RELN: variants seen among roughly 807,000 people sequenced by gnomAD.
RELN encodes reelin.
Under a neutral mutation model 427.6 loss-of-function variants are expected in RELN, and 108 were observed. The observed-to-expected ratio is 0.25, with a 90% CI of 0.22 to 0.30. RELN has a LOEUF of 0.30. Ranked by LOEUF, RELN falls within the 10% of genes least tolerant of loss-of-function variation. The pLI, the probability that RELN is intolerant of heterozygous loss-of-function variation, is 1.00. For missense variants in RELN, 3,715 were observed against 4,302.8 expected (o/e 0.86, Z 3.82); for synonymous variants, 1,524 against 1,513.4 (o/e 1.01, Z -0.16).
intron 2 of RELN, among the ~76,000 whole-genome samples, chr7:103,852,271 C>T (rs995003413): frequency 7.7e-6 from 1 of 130,028 alleles, no homozygotes; most frequent in Non-Finnish European, 1.6e-5. Context: ...TATTTCATAC[C>T]CTCAAACAGA....
intron 3 of RELN, among the ~76,000 whole-genome samples, chr7:103,806,908 G>A (rs1584255929): frequency 6.6e-6 from 1 of 152,178 alleles, no homozygotes; most frequent in East Asian, 1.9e-4. Flanking sequence ...GACACCTAGT[G>A]TTACAGGCTC....
At chr7:103,785,208 C>T (rs961185944) in intron 3 of RELN, among the ~76,000 whole-genome samples, 1 of 151,994 alleles carries the variant, frequency 6.6e-6, no homozygotes, top group African/African-American at 2.4e-5. Flanking sequence ...AAATGCTTTC[C>T]ACACCACCTT....
At chr7:103,614,244 T>C (rs1030732094) in intron 20 of RELN, among the ~76,000 whole-genome samples, 1 of 152,186 alleles carries the variant, frequency 6.6e-6, no homozygotes, top group Non-Finnish European at 1.5e-5. Context: ...TCTAGAGTTA[T>C]TTGGTGTCTC....
intron 11 of RELN, among the ~76,000 whole-genome samples, chr7:103,677,904 T>C (rs1310921272): frequency 6.6e-6 from 1 of 152,072 alleles, no homozygotes; most frequent in African/African-American, 2.4e-5. Flanking sequence ...TTGTAGTGTC[T>C]TCATTCAACA....
intron 1 of RELN, among the ~76,000 whole-genome samples, chr7:103,936,328 A>G (rs963096096): frequency 1.3e-5 from 2 of 152,046 alleles, no homozygotes; most frequent in African/African-American, 2.4e-5. Flanking sequence ...CCTGACCTCA[A>G]GTGATCTGCC....
At chr7:103,619,299 T>TTC (rs1832160760) in intron 20 of RELN, among the ~76,000 whole-genome samples, 5 of 152,152 alleles carry the variant, frequency 3.3e-5, no homozygotes, top group African/African-American at 1.2e-4. Context: ...CACAAATGAA[T>TTC]GCTGTCTCTT....
chr7:103,630,840 G>GTTTTTTTTTT (rs1265435565), intron 19 of RELN, among the ~76,000 whole-genome samples: 1 of 87,576 alleles, frequency 1.1e-5, no homozygotes, highest in African/African-American at 5.7e-5. Context: ...AAAGGGCTGA[G>GTTTTTTTTTT]TTATTTTTTT....
rs144587025 is a variant in RELN at position 103,691,115 on chromosome 7, T to TA, written c.1143+6737dup. Among the ~76,000 whole-genome samples the TA allele has an allele frequency of 9.9e-3, 1,506 of 152,234 alleles. 29 individuals carry two copies. Among genetic ancestry groups the TA allele is most frequent in the African/African-American group, 0.034 (1,420 of 41,534 alleles). ...TATACATCTATTTCATATTAATTAC[T>TA]AAAAAAGCCAACAGATGGTAAAGCC... is the stretch of plus-strand genomic sequence containing the variant. On this transcript the variant is annotated intron_variant, in intron 10 of 64. Coordinates refer to ENST00000428762, the MANE Select transcript of RELN (RefSeq NM_005045.4).
chr7:103,550,428 T>G (rs919219022), intron 41 of RELN, among the ~76,000 whole-genome samples: 1 of 152,228 alleles, frequency 6.6e-6, no homozygotes, highest in Admixed American at 6.5e-5. Context: ...GACTGCTCTG[T>G]TGACTTCCTC....
At chr7:103,488,144 C>T (rs1238856361) in intron 60 of RELN, among the ~76,000 whole-genome samples, 6 of 117,460 alleles carry the variant, frequency 5.1e-5, no homozygotes, top group East Asian at 2.7e-4. Context: ...GTGAAAACTC[C>T]GTCTCAAAAA....
chr7:103,911,861 G>A (rs1363498591), intron 2 of RELN, among the ~76,000 whole-genome samples: 1 of 122,716 alleles, frequency 8.1e-6, no homozygotes. Context: ...TGGTGGGGTG[G>A]GGGGAGGGGG....
chr7:103,796,425 C>T (rs1227082056), intron 3 of RELN, among the ~76,000 whole-genome samples: 3 of 152,144 alleles, frequency 2.0e-5, no homozygotes, highest in Admixed American at 2.0e-4. Context: ...TCTTGTTTTG[C>T]AATTTTAATT....
chr7:103,852,407 C>A (rs1793844376), intron 2 of RELN, among the ~76,000 whole-genome samples: 1 of 152,160 alleles, frequency 6.6e-6, no homozygotes, highest in African/African-American at 2.4e-5. Flanking sequence ...CATATACTAG[C>A]TATGTCCTTT....
intron 9 of RELN, 35 bp from the exon 10 acceptor site, chr7:103,698,128 G>C (rs781757733): frequency 1.2e-6 from 2 of 1,612,778 alleles, no homozygotes; most frequent in Admixed American, 3.3e-5. Flanking sequence ...GTTTAGCAAT[G>C]CTGACTTTTT....
At chr7:103,877,393 T>C (rs865875828) in intron 2 of RELN, among the ~76,000 whole-genome samples, 3 of 152,120 alleles carry the variant, frequency 2.0e-5, no homozygotes, top group Admixed American at 6.6e-5. Flanking sequence ...TATACTCAAG[T>C]CAGAAACCTG....
chr7:103,691,247 A>G (rs1411641457), intron 10 of RELN, among the ~76,000 whole-genome samples: 3 of 152,146 alleles, frequency 2.0e-5, no homozygotes, highest in Non-Finnish European at 2.9e-5. Context: ...TTGGTCTTAT[A>G]TCTGAAACTA....
At chr7:103,973,604 C>T (rs541335161) in intron 1 of RELN, among the ~76,000 whole-genome samples, 2 of 151,910 alleles carry the variant, frequency 1.3e-5, no homozygotes, top group South Asian at 2.1e-4. Context: ...TTGATCATAA[C>T]GTTTATAACA....
intron 10 of RELN, among the ~76,000 whole-genome samples, chr7:103,687,439 G>A (rs775101353): frequency 2.7e-4 from 41 of 152,126 alleles, no homozygotes; most frequent in Admixed American, 1.1e-3. Flanking sequence ...TGGCATCTCC[G>A]AGCCTCTGTT....
intron 11 of RELN, among the ~76,000 whole-genome samples, chr7:103,665,360 G>GTA (rs780813759): frequency 3.7e-4 from 52 of 142,130 alleles, no homozygotes; most frequent in Admixed American, 7.8e-4. Context: ...GTGTGTGTGT[G>GTA]TGTATATATA....
Sources: allele counts gnomAD v4.1 joint callset (sites outside exome capture counted in the v4.1 genomes callset), GRCh38; gene constraint gnomAD v4.1.1; transcripts MANE v1.5; gene names NCBI Gene and HGNC (gene_info 2026-07-23, HGNC 2026-07-21).